The following TNS1 variants were observed in gnomAD, a reference collection of about 807,000 sequenced individuals.
TNS1 encodes tensin 1, also known as tensin-1.
In TNS1, 62 loss-of-function variants were observed where a neutral mutation model predicts 168.6. That is an observed-to-expected ratio of 0.37 (90% confidence interval 0.30 to 0.45). TNS1 has a LOEUF of 0.45. Ranked by LOEUF, TNS1 falls within the 20% of genes least tolerant of loss-of-function variation. The pLI is 1.00. For synonymous variants in TNS1, 934 were observed against 933.2 expected, an observed-to-expected ratio of 1.00 and a Z score of -0.02; for missense variants, 2,240 against 2,339.4, an observed-to-expected ratio of 0.96 and a Z score of 0.88.
In TNS1 at chr2:217,906,916, A is replaced by G. The variant is rs191011358; in HGVS notation, c.270+294T>C. Among the ~76,000 whole-genome samples the G allele has an allele frequency of 3.7e-3, 566 of 152,230 alleles. 5 individuals carry two copies. The highest frequency in any genetic ancestry group is 0.014 in the South Asian group (69 of 4,822). On this transcript the variant is annotated intron_variant, in intron 5 of 32. Coordinates refer to ENST00000682258, the MANE Select transcript of TNS1 (RefSeq NM_001387777.1). ...TTTTCTTGCATTCTGCATATTTCAT[A>G]AGGAAGCCCACATTTAACCACCGGC... is the stretch of plus-strand genomic sequence containing the variant.
At chr2:217,991,111 AAGG>A in intron 1 of TNS1, 55 bp from the exon 2 acceptor site, 3 of 557,830 alleles carry the variant, frequency 5.4e-6, no homozygotes, top group Non-Finnish European at 3.3e-6. Flanking sequence ...GGTCCTGGGG[AAGG>A]AGTAGAGGAG....
chr2:217,984,474 CTCTT>C (rs775210999), intron 2 of TNS1, among the ~76,000 whole-genome samples: 70 of 151,818 alleles, frequency 4.6e-4, no homozygotes, highest in Non-Finnish European at 8.8e-4. Flanking sequence ...ATGCACCCAA[CTCTT>C]TCTTTCTTAT....
At chr2:217,898,848 C>G (rs1285458235) in intron 7 of TNS1, among the ~76,000 whole-genome samples, 3 of 152,192 alleles carry the variant, frequency 2.0e-5, no homozygotes. Flanking sequence ...ACTTTTCTTC[C>G]AGAGGAAGGG....
At chr2:217,963,820 G>C (rs2126009714) in intron 3 of TNS1, among the ~76,000 whole-genome samples, 1 of 147,314 alleles carries the variant, frequency 6.8e-6, no homozygotes, top group African/African-American at 2.5e-5. Flanking sequence ...TAAGTGGGAA[G>C]ATTGCCTGAG....
At chr2:217,897,746 C>A (rs1409059052) in intron 8 of TNS1, 52 bp downstream of exon 8, 2 of 1,505,260 alleles carry the variant, frequency 1.3e-6, no homozygotes, top group East Asian at 2.5e-5. Flanking sequence ...AGGTGGTGAG[C>A]AGATGGAAGC....
At chr2:217,873,174 G>A (rs1949919749) in intron 18 of TNS1, among the ~76,000 whole-genome samples, 1 of 152,214 alleles carries the variant, frequency 6.6e-6, no homozygotes, top group South Asian at 2.1e-4. Flanking sequence ...AGGTGAAGTT[G>A]TGGTATTAAA....
intron 4 of TNS1, among the ~76,000 whole-genome samples, chr2:217,918,136 C>T (rs1347893057): frequency 6.6e-6 from 1 of 152,186 alleles, no homozygotes; most frequent in Admixed American, 6.5e-5. Context: ...GGTGGGCCAG[C>T]ATTGAAGGAC....
At chr2:218,031,680 G>A (rs1958901620) in intron 1 of TNS1, among the ~76,000 whole-genome samples, 1 of 152,130 alleles carries the variant, frequency 6.6e-6, no homozygotes, top group Admixed American at 6.6e-5. Flanking sequence ...CAGCTCTGGG[G>A]TCTCTGATTC....
At chr2:217,844,471 G>A (rs1484396225) in intron 19 of TNS1, among the ~76,000 whole-genome samples, 1 of 152,104 alleles carries the variant, frequency 6.6e-6, no homozygotes, top group Non-Finnish European at 1.5e-5. Context: ...TATCCCGACT[G>A]TCACTCACAC....
Position 217,817,684 on chromosome 2 carries a change from G to A in TNS1, c.4642+6C>T, listed in dbSNP as rs1440497566. ...AGAGGTGAAAATGGAAGGGGGAGAG[G>A]CCCACCTGGCATGGAGTACTTGGAG... On this transcript the variant is annotated splice_donor_region_variant and intron_variant, in intron 24 of 32. Coordinates refer to ENST00000682258, the MANE Select transcript of TNS1 (RefSeq NM_001387777.1). The A allele has an allele frequency of 2.5e-6, 4 of 1,579,046 alleles. No individual in the cohort carries two copies. Among genetic ancestry groups the A allele is most frequent in the Non-Finnish European group, 1.7e-6 (2 of 1,157,814 alleles).
At chr2:217,968,180 C>A (rs1957693376) in intron 3 of TNS1, among the ~76,000 whole-genome samples, 1 of 152,170 alleles carries the variant, frequency 6.6e-6, no homozygotes, top group East Asian at 1.9e-4. Flanking sequence ...AAATCCACAG[C>A]TAATATCATG....
Position 217,932,573 on chromosome 2 carries a change from C to G in TNS1, c.187-12337G>C, listed in dbSNP as rs146361448. On this transcript the variant is annotated intron_variant, in intron 3 of 32. Coordinates refer to ENST00000682258, the MANE Select transcript of TNS1 (RefSeq NM_001387777.1). ...TCTATGCACTGGGCTCAGTTCTAAG[C>G]TTCTTATGCGTCTCAAAGCACGTAA... 6.9e-3 allele frequency among the ~76,000 whole-genome samples: 1,041 copies of G among 151,868 alleles called. 5 individuals carry two copies. The highest frequency in any genetic ancestry group is 9.2e-3 in the African/African-American group (380 of 41,248).
In TNS1 at chr2:218,020,514, G is replaced by A. The variant is rs533569229; in HGVS notation, c.156+13306C>T. Among the ~76,000 whole-genome samples, 12 of 152,180 alleles carry A rather than the reference G, an allele frequency of 7.9e-5. No homozygotes were observed. The South Asian group carries it at 1.0e-3, about 13-fold the overall frequency. On this transcript the variant is annotated intron_variant, in intron 1 of 1. Coordinates refer to the TNS1 transcript ENST00000649572. ...CCCCTGAGCTGCCTGGGGAACCACC[G>A]AGAAGCAGCCAGGTTCGCTGACAGC...
chr2:218,001,222 C>T (rs180683352), intron 1 of TNS1, among the ~76,000 whole-genome samples: 139 of 152,110 alleles, frequency 9.1e-4, no homozygotes, highest in African/African-American at 3.3e-3. Flanking sequence ...TGCCTTGGTC[C>T]CCAGACTCTT....
At position 217,836,164 on chromosome 2, in the gene TNS1, G is replaced by A. The variant is rs745427493; in HGVS notation, c.3055C>T (p.Arg1019Trp). 1.4e-4 allele frequency: 227 copies of A among 1,613,620 alleles called. No individual in the cohort carries two copies. The Admixed American group carries it at 2.8e-3, about 20-fold the overall frequency. ...KQPAEPPAPL[R>W]RRAASDGQYE... ...TGTCCATCACTGGCCGCCCGCCTCC[G>A]CAGAGGGGCTGGGGGCTCTGCAGGC... Residue 1019 changes from arginine (R) to tryptophan (W), a missense_variant, in exon 20 of 33, where the codon CGG becomes TGG. Physicochemically the swap from Arg to Trp is moderately radical, Grantham distance 101. Transcript: ENST00000682258.
intron 3 of TNS1, among the ~76,000 whole-genome samples, chr2:217,959,507 C>A (rs1332867783): frequency 6.6e-6 from 1 of 150,426 alleles, no homozygotes; most frequent in Non-Finnish European, 1.5e-5. Flanking sequence ...TATCATGGAA[C>A]CTGGTGTCTT....
chr2:217,972,214 T>A (rs1957788266), intron 3 of TNS1, among the ~76,000 whole-genome samples: 1 of 152,218 alleles, frequency 6.6e-6, no homozygotes, highest in Non-Finnish European at 1.5e-5. Flanking sequence ...AGAGGTTCAG[T>A]AACTTGCCCA....
intron 4 of TNS1, among the ~76,000 whole-genome samples, chr2:217,909,333 A>G (rs1487419859): frequency 6.6e-6 from 1 of 151,194 alleles, no homozygotes; most frequent in East Asian, 1.9e-4. Flanking sequence ...CAAAGCCCTC[A>G]CTCCTGACCT....
chr2:217,879,650 T>C (rs1228921560), intron 18 of TNS1: 3 of 278,358 alleles, frequency 1.1e-5, no homozygotes, highest in African/African-American at 4.7e-5. Context: ...CCCACTTCTC[T>C]CTGAAACCTT....
Sources: gnomAD v4.1 joint callset for allele counts (sites outside exome capture counted in the v4.1 genomes callset) on GRCh38, gnomAD v4.1.1 for gene constraint, MANE v1.5 for transcripts, NCBI Gene and HGNC (gene_info 2026-07-23, HGNC 2026-07-21) for gene names.